TRERF1: variants seen among roughly 807,000 people sequenced by gnomAD.
TRERF1 encodes transcriptional regulating factor 1, also known as transcriptional-regulating factor 1.
A neutral mutation model predicts 122.9 loss-of-function variants in TRERF1; 27 were observed. The ratio of observed to expected loss-of-function variants is 0.22; its 90% CI spans 0.16 to 0.30. TRERF1 has a LOEUF of 0.30. Among genes scored for constraint, TRERF1 ranks in the 10% least tolerant of loss-of-function variants. The pLI, the probability that TRERF1 is intolerant of heterozygous loss-of-function variation, is 1.00. For missense variants in TRERF1, 1,248 were observed against 1,560.3 expected, an observed-to-expected ratio of 0.80 and a Z score of 3.37; for synonymous variants, 636 against 641.7, an observed-to-expected ratio of 0.99 and a Z score of 0.13.
At chr6:42,380,646 G>A (rs73733162) in intron 2 of TRERF1, among the ~76,000 whole-genome samples, 15,880 of 152,170 alleles carry the variant, frequency 0.1, 1,374 homozygotes, top group African/African-American at 0.23. Context: ...GAAGCCCCCA[G>A]CAATTCCCCA....
exon 18 of TRERF1, chr6:42,225,262 CTTTA>C (rs886204704): frequency 1.6e-4 from 22 of 136,004 alleles, no homozygotes; most frequent in African/African-American, 6.1e-4. Flanking sequence ...TATAAAACAT[CTTTA>C]TTTATTTGTT....
intron 4 of TRERF1, among the ~76,000 whole-genome samples, chr6:42,298,884 G>A (rs564421466): frequency 6.6e-6 from 1 of 152,216 alleles, no homozygotes; most frequent in Non-Finnish European, 1.5e-5. Flanking sequence ...AGGTTGCAGG[G>A]AGCCAAGATT....
chr6:42,444,500 C>T lies in TRERF1; in HGVS notation c.-454+6677G>A, dbSNP rs1405099750. Among the ~76,000 whole-genome samples the T allele has an allele frequency of 2.0e-5, 3 of 152,114 alleles. No homozygotes were observed. The East Asian group carries it at 5.8e-4, about 29-fold the overall frequency. On this transcript the variant is annotated intron_variant, in intron 2 of 17. Transcript: ENST00000372922. ...AACTCCTTCCCAGGGACAGGGCAGC[C>T]TCAGCCTGGGGAGGCAGAGCATCTC...
intron 3 of TRERF1, among the ~76,000 whole-genome samples, chr6:42,338,779 C>T (rs1024162299): frequency 6.6e-5 from 10 of 152,188 alleles, no homozygotes; most frequent in South Asian, 2.1e-4. Flanking sequence ...TCCTTCCGCA[C>T]CATAATACCA....
At chr6:42,442,390 T>C (rs949695424) in intron 2 of TRERF1, among the ~76,000 whole-genome samples, 1 of 152,138 alleles carries the variant, frequency 6.6e-6, no homozygotes, top group African/African-American at 2.4e-5. Context: ...GGATTCTTTC[T>C]GAGGGAGCAA....
In TRERF1 at chr6:42,259,250, G is replaced by A. The variant is rs989541736; in HGVS notation, c.2269+89C>T. The A allele has an allele frequency of 7.0e-7, 1 of 1,429,690 alleles. No individual in the cohort carries two copies. The allele number at this position is 1,429,690 out of a possible 1,614,324, so 88.6% of individuals were successfully genotyped here. ...CAGCCAATACTCCGCAAAAGTCTGT[G>A]GGATAAATGAGAAAGCTAAAGAAAA... On this transcript the variant is annotated intron_variant, in intron 9 of 17. Coordinates refer to ENST00000372922, the Ensembl canonical transcript of TRERF1. The surrounding 1 kb of genome is among the most constrained non-coding windows in gnomAD (Gnocchi z 4.9).
intron 4 of TRERF1, among the ~76,000 whole-genome samples, chr6:42,290,276 G>A (rs1297807725): frequency 6.6e-6 from 1 of 152,202 alleles, no homozygotes; most frequent in Admixed American, 6.5e-5. Context: ...GGCACCCACT[G>A]GGTGCTAAGA....
At chr6:42,233,563 G>A (rs952133560) in intron 16 of TRERF1, among the ~76,000 whole-genome samples, 5 of 152,162 alleles carry the variant, frequency 3.3e-5, no homozygotes, top group Admixed American at 6.5e-5. Flanking sequence ...GGGATTACAG[G>A]CGTGAGCCAC....
At chr6:42,349,589 A>T (rs978751064) in intron 3 of TRERF1, among the ~76,000 whole-genome samples, 1 of 152,160 alleles carries the variant, frequency 6.6e-6, no homozygotes, top group Non-Finnish European at 1.5e-5. Flanking sequence ...AAGATCACTC[A>T]AGGAACAAAA....
At chr6:42,308,230 C>T (rs1432354540) in intron 3 of TRERF1, among the ~76,000 whole-genome samples, 1 of 152,196 alleles carries the variant, frequency 6.6e-6, no homozygotes, top group African/African-American at 2.4e-5. Flanking sequence ...TGTCCATCAA[C>T]TGATGAGTGG....
intron 2 of TRERF1, among the ~76,000 whole-genome samples, chr6:42,406,425 C>A (rs929215552): frequency 7.2e-5 from 11 of 152,160 alleles, no homozygotes; most frequent in African/African-American, 2.7e-4. Flanking sequence ...AGAGGAAGGA[C>A]CACAGGCAGA....
At chr6:42,419,356 A>T (rs1272789922) in intron 2 of TRERF1, among the ~76,000 whole-genome samples, 1 of 148,762 alleles carries the variant, frequency 6.7e-6, no homozygotes, top group African/African-American at 2.5e-5. Context: ...CACAAACCAC[A>T]GTGCTCCCCA....
exon 4 of TRERF1, chr6:42,300,724 GA>G (rs1364051253): frequency 6.5e-6 from 1 of 152,788 alleles, no homozygotes; most frequent in Non-Finnish European, 1.5e-5. Flanking sequence ...CATGCTGCTG[GA>G]CAGGTGGGAA....
chr6:42,377,651 C>T (rs1775145006), intron 2 of TRERF1, among the ~76,000 whole-genome samples: 1 of 152,240 alleles, frequency 6.6e-6, no homozygotes, highest in Non-Finnish European at 1.5e-5. Context: ...TCATCCTTCT[C>T]TGCCCCTTCT....
Position 42,228,754 on chromosome 6 carries a change from TG to T in TRERF1, c.3279-86del. The stretch of plus-strand genomic sequence containing the variant: ...CCAGGTGTCCTACGGGGAATGGGGG[TG>T]TGTGGTCTGACAAAGTCCCTGGCTG... On this transcript the variant is annotated intron_variant, in intron 17 of 17. Coordinates refer to ENST00000372922, the Ensembl canonical transcript of TRERF1. This position sits in a 1 kb window ranked among gnomAD's most constrained non-coding sequence, Gnocchi z 4.2. 7.2e-7 allele frequency: 1 copy of T among 1,381,346 alleles called. No homozygotes were observed. The highest frequency in any genetic ancestry group is 9.8e-7 in the Non-Finnish European group (1 of 1,021,262). 85.6% of individuals were successfully genotyped at this position (1,381,346 alleles called of 1,614,324 possible). A position where few individuals can be genotyped will look rare whatever the true frequency, so the allele number is the denominator to read the frequency against.
At position 42,269,300 on chromosome 6, in the gene TRERF1, T is replaced by G. The variant is rs1369080841; in HGVS notation, c.291A>C (p.Leu97=). ...TGTTTGAGTTGGCCAGGTTTCCACG[T>G]AGCTGGACATGGTTTCCAGGCCCTG... The change falls in exon 5 of 18, where the codon CTA becomes CTC. Residue 97 remains leucine (L), a synonymous_variant. Coordinates refer to ENST00000372922, the Ensembl canonical transcript of TRERF1. The surrounding 1 kb of genome is among the most constrained non-coding windows in gnomAD (Gnocchi z 4.9). 1 of 1,614,068 alleles carries G rather than the reference T, an allele frequency of 6.2e-7. No homozygotes were observed. Among genetic ancestry groups the G allele is most frequent in the African/African-American group, 1.3e-5 (1 of 74,916 alleles).
intron 2 of TRERF1, among the ~76,000 whole-genome samples, chr6:42,402,207 C>T (rs1779484456): frequency 6.6e-6 from 1 of 152,104 alleles, no homozygotes; most frequent in South Asian, 2.1e-4. Context: ...CTACTTGGGA[C>T]CATAAAAAGG....
chr6:42,295,978 T>C lies in TRERF1; in HGVS notation c.-259+4660A>G, dbSNP rs150476390. On this transcript the variant is annotated intron_variant, in intron 4 of 17. Coordinates refer to ENST00000372922, the Ensembl canonical transcript of TRERF1. ...CTCATGCCAGCTATAAGAATAGAGC[T>C]AAAGGACATTCACGACCCTTCTCCC... 1.8e-3 allele frequency among the ~76,000 whole-genome samples: 281 copies of C among 152,278 alleles called. 3 individuals are homozygous for C. Among genetic ancestry groups the C allele is most frequent in the East Asian group, 0.018 (93 of 5,184 alleles).
chr6:42,406,597 A>G (rs1009818441), intron 2 of TRERF1, among the ~76,000 whole-genome samples: 3 of 152,072 alleles, frequency 2.0e-5, no homozygotes, highest in African/African-American at 7.2e-5. Flanking sequence ...GCTCAAATCT[A>G]CCTAATGTCT....
Sources: gnomAD v4.1 joint callset for allele counts (sites outside exome capture counted in the v4.1 genomes callset) on GRCh38, gnomAD v4.1.1 for gene constraint, Gnocchi (gnomAD v3.1) non-coding constraint, MANE v1.5 for transcripts, NCBI Gene and HGNC (gene_info 2026-07-23, HGNC 2026-07-21) for gene names.